The following ATXN7L1 variants were observed in gnomAD, a reference collection of about 807,000 sequenced individuals.
ATXN7L1 encodes ataxin 7 like 1.
In ATXN7L1, 15 loss-of-function variants were observed where a neutral mutation model predicts 70.8. The observed-to-expected ratio is 0.21, with a 90% CI of 0.14 to 0.33. ATXN7L1 has a LOEUF of 0.33. ATXN7L1 is among the 10% of genes least tolerant of loss of function. The probability of loss-of-function intolerance (pLI) is 1.00; values close to 1 mark genes in which losing one functional copy is unlikely to be tolerated. For synonymous variants in ATXN7L1, 440 were observed against 445.1 expected (o/e 0.99, Z 0.14); for missense variants, 975 against 1,097.1 (o/e 0.89, Z 1.57).
At position 105,733,637 on chromosome 7, in the gene ATXN7L1, T is replaced by TCCATCCATCCATCCAC. The variant is rs1563049064; in HGVS notation, c.355+54966_355+54967insGTGGATGGATGGATGG. On this transcript the variant is annotated intron_variant, in intron 3 of 11. Coordinates refer to ENST00000419735, the MANE Select transcript of ATXN7L1 (RefSeq NM_020725.2). ...ATCCATCCATCCATCCATCCACCCA[T>TCCATCCATCCATCCAC]CCATCCATCCATCCATCCATCCATC... Among the ~76,000 whole-genome samples, 11 of 83,416 alleles carry TCCATCCATCCATCCAC rather than the reference T, an allele frequency of 1.3e-4. 2 individuals are homozygous for TCCATCCATCCATCCAC. The highest frequency in any genetic ancestry group is 3.9e-4 in the African/African-American group (7 of 17,764). 54.7% of individuals were successfully genotyped at this position (83,416 alleles called of 152,430 possible). A position where few individuals can be genotyped will look rare whatever the true frequency, so the allele number is the denominator to read the frequency against.
intron 3 of ATXN7L1, among the ~76,000 whole-genome samples, chr7:105,667,182 A>C (rs946050227): frequency 4.6e-5 from 7 of 152,210 alleles, no homozygotes; most frequent in Non-Finnish European, 8.8e-5. Flanking sequence ...GGCAGGAAGC[A>C]GCCAGGGGTC....
intron 3 of ATXN7L1, among the ~76,000 whole-genome samples, chr7:105,665,945 C>T (rs895908203): frequency 2.6e-5 from 4 of 152,130 alleles, no homozygotes; most frequent in African/African-American, 7.2e-5. Flanking sequence ...GGACTTGGGC[C>T]GGCGAGCACA....
chr7:105,752,926 C>G (rs1799376779), intron 3 of ATXN7L1, among the ~76,000 whole-genome samples: 1 of 152,138 alleles, frequency 6.6e-6, no homozygotes, highest in South Asian at 2.1e-4. Flanking sequence ...CCAAATGCCA[C>G]CAAGCTCATA....
chr7:105,781,478 C>CAG (rs1190492006), intron 3 of ATXN7L1, among the ~76,000 whole-genome samples: 1 of 152,200 alleles, frequency 6.6e-6, no homozygotes, highest in Non-Finnish European at 1.5e-5. Context: ...TGCACACACA[C>CAG]AGAGCATCAT....
chr7:105,651,501 A>G (rs1358577505), intron 4 of ATXN7L1, among the ~76,000 whole-genome samples: 1 of 152,182 alleles, frequency 6.6e-6, no homozygotes, highest in Non-Finnish European at 1.5e-5. Flanking sequence ...CCACCGTGGA[A>G]GGAGGGGTGG....
chr7:105,662,811 A>G (rs776263270), intron 4 of ATXN7L1, among the ~76,000 whole-genome samples: 11 of 152,180 alleles, frequency 7.2e-5, no homozygotes, highest in Non-Finnish European at 1.3e-4. Context: ...CCAGGATGGA[A>G]GTGCTGTCCT....
At chr7:105,710,487 A>G (rs1350737149) in intron 3 of ATXN7L1, among the ~76,000 whole-genome samples, 1 of 148,430 alleles carries the variant, frequency 6.7e-6, no homozygotes, top group Admixed American at 6.9e-5. Context: ...AGCTCACTGC[A>G]AGCTCCGCCT....
intron 3 of ATXN7L1, among the ~76,000 whole-genome samples, chr7:105,688,235 G>A (rs1233918851): frequency 2.0e-5 from 3 of 151,950 alleles, no homozygotes; most frequent in East Asian, 1.9e-4. Context: ...CCTGTACTTC[G>A]CCTAATAAAA....
chr7:105,873,058 G>A lies in ATXN7L1; in HGVS notation c.250+2754C>T, dbSNP rs1237657093. On this transcript the variant is annotated intron_variant, in intron 2 of 11. Coordinates refer to ENST00000419735, the MANE Select transcript of ATXN7L1 (RefSeq NM_020725.2). Reference sequence around the variant, plus strand: ...AATCCCAGCTACTTGGGAGGTTGAGGCAGGAGAAGGGTGTGAACCCGGGAG... The same window carrying A: ...AATCCCAGCTACTTGGGAGGTTGAGACAGGAGAAGGGTGTGAACCCGGGAG... Among the ~76,000 whole-genome samples the A allele has an allele frequency of 2.0e-5, 3 of 152,170 alleles. No homozygotes were observed. In the East Asian group the frequency reaches 5.8e-4, roughly 29 times the overall value.
chr7:105,741,891 C>T (rs1798059258), intron 3 of ATXN7L1, among the ~76,000 whole-genome samples: 1 of 152,192 alleles, frequency 6.6e-6, no homozygotes, highest in African/African-American at 2.4e-5. Context: ...ATGCCCAAGC[C>T]TTCCAGCAAA....
At chr7:105,656,388 T>C (rs1800640603) in intron 4 of ATXN7L1, among the ~76,000 whole-genome samples, 1 of 152,176 alleles carries the variant, frequency 6.6e-6, no homozygotes, top group African/African-American at 2.4e-5. Context: ...GGTGGCCAGG[T>C]ACCCCCTGAC....
intron 7 of ATXN7L1, among the ~76,000 whole-genome samples, chr7:105,632,519 G>A (rs1049085270): frequency 2.6e-5 from 4 of 152,024 alleles, no homozygotes; most frequent in African/African-American, 9.7e-5. Flanking sequence ...ACAATAGTGG[G>A]GAGAAAATTA....
intron 2 of ATXN7L1, among the ~76,000 whole-genome samples, chr7:105,814,883 T>C (rs762812976): frequency 6.6e-6 from 1 of 152,274 alleles, no homozygotes; most frequent in Non-Finnish European, 1.5e-5. Context: ...TGGGGCTTTG[T>C]ATTTATTACT....
chr7:105,811,662 G>A (rs1018581930), intron 2 of ATXN7L1, among the ~76,000 whole-genome samples: 19 of 152,170 alleles, frequency 1.2e-4, no homozygotes, highest in African/African-American at 4.6e-4. Context: ...GATGAGGGCA[G>A]CAAGGAATAA....
intron 4 of ATXN7L1, among the ~76,000 whole-genome samples, chr7:105,645,844 C>T (rs1014252912): frequency 3.9e-4 from 58 of 149,482 alleles, no homozygotes; most frequent in African/African-American, 1.4e-3. Flanking sequence ...AACAAACAAA[C>T]AAACAAACAG....
In ATXN7L1 at chr7:105,714,019, T is replaced by C. The variant is rs114376616; in HGVS notation, c.356-48731A>G. 3.1e-3 allele frequency among the ~76,000 whole-genome samples: 476 copies of C among 152,348 alleles called. 5 individuals carry two copies. Among genetic ancestry groups the C allele is most frequent in the African/African-American group, 0.011 (458 of 41,580 alleles). On this transcript the variant is annotated intron_variant, in intron 3 of 11. Coordinates refer to ENST00000419735, the MANE Select transcript of ATXN7L1 (RefSeq NM_020725.2). ...ACATCGTGGTTCCATGTGTTGCTAA[T>C]AAAAGCAAACCCTGATTAAGAACTA... is the stretch of plus-strand genomic sequence containing the variant.
intron 8 of ATXN7L1, among the ~76,000 whole-genome samples, chr7:105,622,371 T>A (rs1463321723): frequency 1.3e-5 from 2 of 152,198 alleles, no homozygotes; most frequent in Non-Finnish European, 2.9e-5. Flanking sequence ...CACCGTTTTG[T>A]CTTTGCTACC....
At chr7:105,853,126 A>G (rs1285266436) in intron 2 of ATXN7L1, among the ~76,000 whole-genome samples, 1 of 152,224 alleles carries the variant, frequency 6.6e-6, no homozygotes. Context: ...GGGATGATAG[A>G]AAAGTTCTGG....
At chr7:105,649,434 GC>G in intron 4 of ATXN7L1, 1 of 987,730 alleles carries the variant, frequency 1.0e-6, no homozygotes, top group Non-Finnish European at 1.2e-6. Context: ...TGCTTTAGTT[GC>G]CCACGTCTTC....
Sources: gnomAD v4.1 joint callset for allele counts (sites outside exome capture counted in the v4.1 genomes callset) on GRCh38, gnomAD v4.1.1 for gene constraint, MANE v1.5 for transcripts, NCBI Gene and HGNC (gene_info 2026-07-23, HGNC 2026-07-21) for gene names.